NFATC2: variants seen among roughly 807,000 people sequenced by gnomAD.
NFATC2 encodes nuclear factor of activated T-cells, cytoplasmic 2.
Under a neutral mutation model 87.3 loss-of-function variants are expected in NFATC2, and 22 were observed. That is an observed-to-expected ratio of 0.25 (90% CI 0.18 to 0.36). The LOEUF is 0.36. Ranked by LOEUF, NFATC2 falls within the 10% of genes least tolerant of loss-of-function variation. The pLI, the probability that NFATC2 is intolerant of heterozygous loss-of-function variation, is 1.00. For missense variants in NFATC2, 1,149 were observed against 1,259.1 expected, an observed-to-expected ratio of 0.91 and a Z score of 1.32; for synonymous variants, 565 against 542.2, an observed-to-expected ratio of 1.04 and a Z score of -0.58.
At chr20:51,557,910 G>T (rs1189865130) in intron 1 of NFATC2, among the ~76,000 whole-genome samples, 3 of 152,338 alleles carry the variant, frequency 2.0e-5, no homozygotes, top group East Asian at 3.9e-4. Flanking sequence ...TGGACAAATA[G>T]TCAGATAATT....
Position 51,523,564 on chromosome 20 carries a change from A to T in NFATC2, c.677T>A (p.Leu226His), listed in dbSNP as rs1232246647. ...GCGGCCCAGGCAGCTGTCCTCGGCG[A>T]GGCTGGTTCGAGGTGACATTATTGG... is the stretch of plus-strand genomic sequence containing the variant. ...TSPIMSPRTS[L>H]AEDSCLGRHS... The change falls in exon 2 of 11, where the codon CTC becomes CAC. Residue 226 changes from leucine (L) to histidine (H), a missense_variant. This residue lies in a region of NFATC2 where 563 missense variants were observed against 585.2 expected (regional missense o/e 0.96). Transcript: ENST00000371564. The surrounding 1 kb of genome is among the most constrained non-coding windows in gnomAD (Gnocchi z 6.9). 3.7e-6 allele frequency: 6 copies of T among 1,613,566 alleles called. No homozygotes were observed. Among genetic ancestry groups the T allele is most frequent in the Non-Finnish European group, 5.1e-6 (6 of 1,179,806 alleles).
chr20:51,561,436 A>AAAGG (rs1333959840), intron 1 of NFATC2, among the ~76,000 whole-genome samples: 5,487 of 67,138 alleles, frequency 0.082, 163 homozygotes, highest in Middle Eastern at 0.1. Context: ...GAAAGAAAAG[A>AAAGG]AAGAAAGAAA....
chr20:51,462,555 GCAATTTAGGGTTCA>G (rs1436231724), intron 5 of NFATC2, among the ~76,000 whole-genome samples: 1 of 152,064 alleles, frequency 6.6e-6, no homozygotes, highest in Non-Finnish European at 1.5e-5. Context: ...ACACCAAGAA[GCAATTTAGGGTTCA>G]CACGTAAAAG....
In NFATC2 at chr20:51,452,715, C is replaced by T. The variant is rs59369577; in HGVS notation, c.1849+1833G>A. On this transcript the variant is annotated intron_variant, in intron 6 of 10. Transcript: ENST00000371564. ...GGCCAAGTGCACCACGTGAACAAAA[C>T]AATCTCGACACTCAACCTCTTCCCC... 9.8e-3 allele frequency among the ~76,000 whole-genome samples: 1,497 copies of T among 152,350 alleles called. 27 individuals carry two copies. Among genetic ancestry groups the T allele is most frequent in the African/African-American group, 0.033 (1,389 of 41,582 alleles).
chr20:51,435,371 G>A, intron 7 of NFATC2, 57 bp from the exon 8 acceptor site: 2 of 1,608,240 alleles, frequency 1.2e-6, no homozygotes, highest in Non-Finnish European at 1.7e-6. Context: ...TTCCTACCCA[G>A]ACCCTAAGCG....
At chr20:51,469,983 C>G (rs760481057) in intron 5 of NFATC2, among the ~76,000 whole-genome samples, 2 of 152,176 alleles carry the variant, frequency 1.3e-5, no homozygotes, top group Non-Finnish European at 2.9e-5. Context: ...CCAGCTCTAC[C>G]CCTGCAGGGA....
chr20:51,541,858 G>A (rs1177386041), intron 1 of NFATC2, among the ~76,000 whole-genome samples: 1 of 152,170 alleles, frequency 6.6e-6, no homozygotes, highest in Non-Finnish European at 1.5e-5. Context: ...AGGAGGTGAT[G>A]GGAGCTGCGT....
chr20:51,562,622 C>T lies in NFATC2; in HGVS notation c.8G>A (p.Arg3Lys). 1 of 1,551,212 alleles carries T rather than the reference C, an allele frequency of 6.4e-7. No homozygotes were observed. The highest frequency in any genetic ancestry group is 8.7e-7 in the Non-Finnish European group (1 of 1,146,636). Reference sequence around the variant, plus strand: ...GTGCCCCAGTCTGAACGCAGCCTCTCTCTGCATCTGGAGGGCACGGGGACT... The same window carrying T: ...GTGCCCCAGTCTGAACGCAGCCTCTTTCTGCATCTGGAGGGCACGGGGACT... The change falls in exon 1 of 11, where the codon AGA becomes AAA. Residue 3 changes from arginine (R) to lysine (K), a missense_variant. By Grantham distance (26) the Arg-to-Lys change is conservative. Transcript: ENST00000414705. This position sits in a 1 kb window ranked among gnomAD's most constrained non-coding sequence, Gnocchi z 5.8.
intron 1 of NFATC2, among the ~76,000 whole-genome samples, chr20:51,551,052 A>C (rs1164205955): frequency 2.6e-5 from 4 of 152,242 alleles, no homozygotes; most frequent in African/African-American, 9.6e-5. Context: ...AACATTCTTT[A>C]CCAGACTCCA....
At chr20:51,418,948 G>GCCCCCCCCCCC (rs1163176517) in intron 9 of NFATC2, among the ~76,000 whole-genome samples, 1 of 142,324 alleles carries the variant, frequency 7.0e-6, no homozygotes, top group African/African-American at 3.0e-5. Context: ...ATAGGCGTGA[G>GCCCCCCCCCCC]CCACCCCCAC....
In NFATC2 at chr20:51,427,547, T is replaced by A. The variant is rs964258736; in HGVS notation, c.2722+4520A>T. 3.3e-5 allele frequency among the ~76,000 whole-genome samples: 5 copies of A among 152,268 alleles called. No individual in the cohort carries two copies. In the East Asian group the frequency reaches 9.7e-4, roughly 29 times the overall value. On this transcript the variant is annotated intron_variant, in intron 9 of 10. Coordinates refer to ENST00000371564, the MANE Select transcript of NFATC2 (RefSeq NM_012340.5). Reference sequence around the variant, plus strand: ...TTTTCAATTCACACATCCCCCTTTTTTCAACCCTTGACTCCCTATAGTCCA... The same window carrying A: ...TTTTCAATTCACACATCCCCCTTTTATCAACCCTTGACTCCCTATAGTCCA...
chr20:51,530,602 C>T (rs967445152), intron 1 of NFATC2, among the ~76,000 whole-genome samples: 6 of 152,106 alleles, frequency 3.9e-5, no homozygotes, highest in Admixed American at 1.3e-4. Context: ...GGCCTGCATA[C>T]GAAGCATCAG....
intron 1 of NFATC2, among the ~76,000 whole-genome samples, chr20:51,525,468 G>C (rs2076528271): frequency 6.6e-6 from 1 of 152,034 alleles, no homozygotes; most frequent in African/African-American, 2.4e-5. Context: ...ACTGCATCCT[G>C]TACAGGTCCA....
chr20:51,553,405 G>T (rs1200520069), intron 1 of NFATC2, among the ~76,000 whole-genome samples: 1 of 151,888 alleles, frequency 6.6e-6, no homozygotes, highest in Non-Finnish European at 1.5e-5. Flanking sequence ...GCTGGGCGCG[G>T]TGGCTCACGC....
At chr20:51,425,719 C>G (rs897691760) in intron 9 of NFATC2, among the ~76,000 whole-genome samples, 5 of 152,234 alleles carry the variant, frequency 3.3e-5, no homozygotes, top group Non-Finnish European at 5.9e-5. Flanking sequence ...ACTTTTCCAT[C>G]GCTGGGTTCC....
intron 3 of NFATC2, among the ~76,000 whole-genome samples, chr20:51,478,442 G>A (rs1329929318): frequency 2.0e-5 from 3 of 152,084 alleles, no homozygotes; most frequent in South Asian, 2.1e-4. Context: ...AGCAGAAATC[G>A]CCTGCTGGGT....
At chr20:51,514,976 CA>C (rs2076329023) in intron 3 of NFATC2, among the ~76,000 whole-genome samples, 1 of 152,168 alleles carries the variant, frequency 6.6e-6, no homozygotes, top group Non-Finnish European at 1.5e-5. Context: ...CAGGTGAGCC[CA>C]CCTTCATTTC....
Position 51,432,457 on chromosome 20 carries a change from C to A in NFATC2, c.2332G>T (p.Ala778Ser). 6.4e-7 allele frequency: 1 copy of A among 1,565,614 alleles called. No individual in the cohort carries two copies. The highest frequency in any genetic ancestry group is 1.8e-5 in the Admixed American group (1 of 55,772). ...PALMAAPLSL[A>S]DAHRSVLVHA... Reference sequence around the variant, plus strand: ...ACCAGCACAGAGCGGTGAGCGTCCGCAAGGGACAGCGGGGCGGCCATGAGG... The same window carrying A: ...ACCAGCACAGAGCGGTGAGCGTCCGAAAGGGACAGCGGGGCGGCCATGAGG... Residue 778 changes from alanine (A) to serine (S), a missense_variant, in exon 9 of 11, where the codon GCG (alanine) becomes TCG (serine). This residue lies in a region of NFATC2 where 581 missense variants were observed against 649.7 expected (regional missense o/e 0.89). Transcript: ENST00000371564. The surrounding 1 kb of genome is among the most constrained non-coding windows in gnomAD (Gnocchi z 4.6).
At chr20:51,413,531 G>A (rs1600684392) in intron 9 of NFATC2, among the ~76,000 whole-genome samples, 1 of 152,302 alleles carries the variant, frequency 6.6e-6, no homozygotes, top group African/African-American at 2.4e-5. Flanking sequence ...GCTGAGCTGG[G>A]AGGACTGCTT....
Sources: allele counts gnomAD v4.1 joint callset (sites outside exome capture counted in the v4.1 genomes callset), GRCh38; gene constraint gnomAD v4.1.1; regional missense constraint gnomAD v4.1.1; non-coding constraint Gnocchi (gnomAD v3.1); transcripts MANE v1.5; gene names NCBI Gene and HGNC (gene_info 2026-07-23, HGNC 2026-07-21).